The following KBTBD3 variants were observed in gnomAD, a reference collection of about 807,000 sequenced individuals.
KBTBD3 encodes the protein kelch repeat and BTB domain-containing protein 3.
Under a neutral mutation model 49.6 loss-of-function variants are expected in KBTBD3, and 38 were observed. The ratio of observed to expected loss-of-function variants is 0.77; its 90% CI spans 0.59 to 1.00. The LOEUF (loss-of-function observed/expected upper bound fraction) is 1.00, where lower values mean the gene tolerates loss of function less well. Among genes scored for constraint, KBTBD3 ranks in the 50% least tolerant of loss-of-function variants. KBTBD3 has a pLI of 0.00. For missense variants in KBTBD3, 661 were observed against 712.0 expected, an observed-to-expected ratio of 0.93 and a Z score of 0.81; for synonymous variants, 214 against 250.4, an observed-to-expected ratio of 0.85 and a Z score of 1.37.
chr11:106,058,379 TAAA>T, intron 3 of KBTBD3, among the ~76,000 whole-genome samples: 1 of 139,826 alleles, frequency 7.2e-6, no homozygotes, highest in Non-Finnish European at 1.6e-5. Context: ...AGACTCCCTC[TAAA>T]AAAAAAAAAA....
chr11:106,072,480 T>G (rs1860938660), intron 2 of KBTBD3, among the ~76,000 whole-genome samples: 1 of 152,174 alleles, frequency 6.6e-6, no homozygotes, highest in Non-Finnish European at 1.5e-5. Flanking sequence ...CTTTTAAGAT[T>G]ACACCCCAGC....
At position 106,072,212 on chromosome 11, in the gene KBTBD3, A is replaced by G. The variant is rs550639818; in HGVS notation, c.-13+4295T>C. ...GATATATCACTAATGCTCTAAACAGAGAATGATATTATGAAAATAAAACAT... is the reference window on the plus strand; with the variant it reads ...GATATATCACTAATGCTCTAAACAGGGAATGATATTATGAAAATAAAACAT... On this transcript the variant is annotated intron_variant, in intron 2 of 3. Transcript: ENST00000531837. 5.9e-5 allele frequency among the ~76,000 whole-genome samples: 9 copies of G among 152,358 alleles called. No homozygotes were observed. The East Asian group carries it at 1.5e-3, about 26-fold the overall frequency.
rs1198408937 is a variant in KBTBD3, at chr11:106,052,672, T to A, written c.*178A>T. The stretch of plus-strand genomic sequence containing the variant: ...GTTAAATTATATTCAGTATAATTTT[T>A]GGTAAAATATATTTTGTATTTTAAG... On this transcript the variant is annotated 3_prime_UTR_variant, in exon 4 of 4. Transcript: ENST00000531837. 1.3e-5 allele frequency: 7 copies of A among 530,252 alleles called. No homozygotes were observed. The highest frequency in any genetic ancestry group is 2.3e-5 in the Non-Finnish European group (7 of 305,614). The allele number at this position is 530,252 out of a possible 1,614,324, so 32.8% of individuals were successfully genotyped here.
In KBTBD3 at chr11:106,057,309, T is replaced by A. The variant is rs189659131; in HGVS notation, c.233+1556A>T. 3.3e-5 allele frequency: 5 copies of A among 152,370 alleles called. No homozygotes were observed. The East Asian group carries it at 7.7e-4, about 23-fold the overall frequency. 9.4% of individuals were successfully genotyped at this position (152,370 alleles called of 1,614,324 possible). On this transcript the variant is annotated intron_variant, in intron 3 of 3. Transcript: ENST00000531837. The stretch of plus-strand genomic sequence containing the variant: ...TATAAATTAACTTGCATATAAAATA[T>A]GCATCTTAGTATTTCTATATCTTAA...
intron 2 of KBTBD3, chr11:106,075,475 T>A (rs1161308092): frequency 1.3e-5 from 2 of 152,170 alleles, no homozygotes; most frequent in African/African-American, 2.4e-5. Flanking sequence ...TTTTGCAAGA[T>A]AACACACATG....
intron 2 of KBTBD3, among the ~76,000 whole-genome samples, chr11:106,069,967 A>G (rs1351854079): frequency 3.9e-5 from 6 of 152,120 alleles, no homozygotes; most frequent in Non-Finnish European, 2.9e-5. Flanking sequence ...CAGTACAGCC[A>G]AGTGACTTTT....
chr11:106,070,677 AACAT>A (rs1860900773), intron 2 of KBTBD3, among the ~76,000 whole-genome samples: 2 of 152,210 alleles, frequency 1.3e-5, no homozygotes, highest in African/African-American at 4.8e-5. Context: ...AAAAAAACTA[AACAT>A]ACACATACCA....
rs114740686 is a variant in KBTBD3, at chr11:106,058,742, G to T, written c.233+123C>A. 459 of 544,764 alleles carry T rather than the reference G, an allele frequency of 8.4e-4. 1 individual carries two copies. The highest frequency in any genetic ancestry group is 8.0e-3 in the African/African-American group (371 of 46,634). 33.7% of individuals were successfully genotyped at this position (544,764 alleles called of 1,614,324 possible). On this transcript the variant is annotated intron_variant, in intron 3 of 3. Coordinates refer to ENST00000531837, the MANE Select transcript of KBTBD3 (RefSeq NM_198439.3). ...CCCAGCCTAATTAGGTTTTGTTTTTGTTTTTTTTTTTAGAATTAAAAATTA... is the reference window on the plus strand; with the variant it reads ...CCCAGCCTAATTAGGTTTTGTTTTTTTTTTTTTTTTTAGAATTAAAAATTA...
intron 2 of KBTBD3, among the ~76,000 whole-genome samples, chr11:106,067,815 T>G (rs531020340): frequency 1.3e-5 from 2 of 152,080 alleles, no homozygotes; most frequent in Non-Finnish European, 2.9e-5. Context: ...GTGGTCTACA[T>G]ATACCAATTA....
intron 3 of KBTBD3, among the ~76,000 whole-genome samples, chr11:106,056,601 C>T (rs553045509): frequency 2.6e-5 from 4 of 152,242 alleles, no homozygotes; most frequent in East Asian, 1.9e-4. Context: ...GTAGTAGGTA[C>T]GGTGCTAATT....
intron 2 of KBTBD3, among the ~76,000 whole-genome samples, chr11:106,065,465 G>A (rs972310369): frequency 4.6e-5 from 7 of 152,176 alleles, no homozygotes; most frequent in African/African-American, 1.2e-4. Flanking sequence ...AATTCACATG[G>A]AACAGTGAGA....
At chr11:106,076,805 A>G (rs1246267733) in intron 1 of KBTBD3, 98 bp from the exon 2 acceptor site, 1 of 152,236 alleles carries the variant, frequency 6.6e-6, no homozygotes, top group Admixed American at 6.5e-5. Context: ...TAGAGCAAGG[A>G]CCTCTGTCAT....
Position 106,053,623 on chromosome 11 carries a change from GACA to G in KBTBD3, c.1063_1065del (p.Cys355del), listed in dbSNP as rs1860479269. 1.2e-6 allele frequency: 2 copies of G among 1,613,776 alleles called. No homozygotes were observed. The highest frequency in any genetic ancestry group is 8.5e-7 in the Non-Finnish European group (1 of 1,179,894). ...TCGGCAATATGCAGTCGAACCGTTC[GACA>G]ACATTTCCCTTTGCAACCACCTGTC... On this transcript the variant is annotated inframe_deletion, in exon 4 of 4. Coordinates refer to ENST00000531837, the MANE Select transcript of KBTBD3 (RefSeq NM_198439.3).
intron 3 of KBTBD3, among the ~76,000 whole-genome samples, chr11:106,056,916 T>G (rs1282427458): frequency 6.6e-6 from 1 of 152,104 alleles, no homozygotes; most frequent in African/African-American, 2.4e-5. Flanking sequence ...GGGAAGACAC[T>G]GGTAGAAATA....
chr11:106,075,441 C>G (rs532446226), intron 2 of KBTBD3: 4 of 152,264 alleles, frequency 2.6e-5, no homozygotes, highest in African/African-American at 7.2e-5. Context: ...ACATGACATT[C>G]CCTCTCAAGT....
chr11:106,052,766 A>T lies in KBTBD3; in HGVS notation c.*84T>A, dbSNP rs1437037073. On this transcript the variant is annotated 3_prime_UTR_variant, in exon 4 of 4. Coordinates refer to ENST00000531837, the MANE Select transcript of KBTBD3 (RefSeq NM_198439.3). ...ACTAAAAGCAGGAATGTTTTATTTC[A>T]TTAAGATGTATAGATCTTTTTACCT... 9.5e-7 allele frequency: 1 copy of T among 1,053,892 alleles called. No homozygotes were observed. Among genetic ancestry groups the T allele is most frequent in the Non-Finnish European group, 1.4e-6 (1 of 719,804 alleles). 65.3% of individuals were successfully genotyped at this position (1,053,892 alleles called of 1,614,324 possible).
At position 106,053,592 on chromosome 11, in the gene KBTBD3, T is replaced by A; in HGVS notation, c.1097A>T (p.Tyr366Phe). 6.2e-7 allele frequency: 1 copy of A among 1,613,926 alleles called. No individual in the cohort carries two copies. The highest frequency in any genetic ancestry group is 1.1e-5 in the South Asian group (1 of 91,076). ...CCAGGTTTGATCAGTGGCATCATGA[T>A]ATGACTCGGCAATATGCAGTCGAAC... ...RTVRLHIAES[Y>F]HDATDQTWCY... Residue 366 changes from tyrosine (Y) to phenylalanine (F), a missense_variant, in exon 4 of 4, where the codon TAT (tyrosine) becomes TTT (phenylalanine). Coordinates refer to ENST00000531837, the MANE Select transcript of KBTBD3 (RefSeq NM_198439.3).
chr11:106,074,113 C>CT (rs1159486113), intron 2 of KBTBD3, among the ~76,000 whole-genome samples: 3 of 72,316 alleles, frequency 4.1e-5, no homozygotes, highest in Admixed American at 1.6e-4. Flanking sequence ...ATGCCGAACA[C>CT]CCCCCCCCAC....
In KBTBD3 at chr11:106,051,660, C is replaced by A. The variant is rs1860421728; in HGVS notation, c.*1190G>T. 6.6e-6 allele frequency: 1 copy of A among 151,824 alleles called. No homozygotes were observed. The highest frequency in any genetic ancestry group is 1.5e-5 in the Non-Finnish European group (1 of 67,812). 9.4% of individuals were successfully genotyped at this position (151,824 alleles called of 1,614,324 possible). Reference sequence around the variant, plus strand: ...TAAACTGATTAAAGAAACATATACTCTTGGAAGGCAGAATCACCTACCTGA... The same window carrying A: ...TAAACTGATTAAAGAAACATATACTATTGGAAGGCAGAATCACCTACCTGA... On this transcript the variant is annotated 3_prime_UTR_variant, in exon 4 of 4. Transcript: ENST00000531837.
Sources: allele counts gnomAD v4.1 joint callset (sites outside exome capture counted in the v4.1 genomes callset), GRCh38; gene constraint gnomAD v4.1.1; transcripts MANE v1.5; gene names NCBI Gene and HGNC (gene_info 2026-07-23, HGNC 2026-07-21).